Variants in MGAT4C observed in about 807,000 individuals in gnomAD.
MGAT4C encodes the protein alpha-1,3-mannosyl-glycoprotein 4-beta-N-acetylglucosaminyltransferase C.
In MGAT4C, 19 loss-of-function variants were observed where a neutral mutation model predicts 40.1. That is an observed-to-expected ratio of 0.47 (90% CI 0.33 to 0.70). The LOEUF is 0.70. Ranked by LOEUF, MGAT4C falls within the 30% of genes least tolerant of loss-of-function variation. The probability of loss-of-function intolerance (pLI) is 0.02; values close to 1 mark genes in which losing one functional copy is unlikely to be tolerated. For missense variants in MGAT4C, 491 were observed against 563.2 expected (o/e 0.87, Z 1.30); for synonymous variants, 181 against 187.1 (o/e 0.97, Z 0.27).
intron 1 of MGAT4C, among the ~76,000 whole-genome samples, chr12:86,127,655 A>C (rs1178291649): frequency 6.6e-6 from 1 of 152,144 alleles, no homozygotes; most frequent in African/African-American, 2.4e-5. Flanking sequence ...TTTTCTTTAT[A>C]TTCTTATTCT....
intron 1 of MGAT4C, among the ~76,000 whole-genome samples, chr12:86,109,079 A>G (rs1441267202): frequency 2.6e-5 from 4 of 152,180 alleles, no homozygotes; most frequent in Non-Finnish European, 5.9e-5. Context: ...TAAATCTACA[A>G]CATGGGATTT....
intron 1 of MGAT4C, among the ~76,000 whole-genome samples, chr12:86,821,138 G>A (rs1383394637): frequency 6.6e-6 from 1 of 150,884 alleles, no homozygotes; most frequent in Non-Finnish European, 1.5e-5. Flanking sequence ...TAAAGAATGA[G>A]TGTGTATGTA....
intron 1 of MGAT4C, among the ~76,000 whole-genome samples, chr12:86,752,802 C>A (rs2136143025): frequency 6.6e-6 from 1 of 152,116 alleles, no homozygotes; most frequent in South Asian, 2.1e-4. Context: ...CTTCATTGAA[C>A]AAATATACCC....
chr12:86,206,486 T>C (rs961226486), intron 1 of MGAT4C, among the ~76,000 whole-genome samples: 1 of 152,192 alleles, frequency 6.6e-6, no homozygotes, highest in African/African-American at 2.4e-5. Flanking sequence ...CTTTGCAGAA[T>C]GTAAAGTATA....
At chr12:86,157,167 A>T (rs906068993) in intron 1 of MGAT4C, among the ~76,000 whole-genome samples, 1 of 152,130 alleles carries the variant, frequency 6.6e-6, no homozygotes, top group Non-Finnish European at 1.5e-5. Flanking sequence ...AATATTTTTA[A>T]TATATACATT....
intron 3 of MGAT4C, among the ~76,000 whole-genome samples, chr12:86,361,620 A>T (rs1955474494): frequency 6.6e-6 from 1 of 152,228 alleles, no homozygotes; most frequent in African/African-American, 2.4e-5. Flanking sequence ...ATCTACAAAG[A>T]ACTCAAACAA....
At chr12:86,094,343 T>A (rs1592921268) in intron 1 of MGAT4C, among the ~76,000 whole-genome samples, 1 of 152,316 alleles carries the variant, frequency 6.6e-6, no homozygotes, top group Non-Finnish European at 1.5e-5. Context: ...TTTTTAAATA[T>A]TCTCAAATGG....
At chr12:86,588,776 G>A (rs112305207) in intron 2 of MGAT4C, among the ~76,000 whole-genome samples, 7 of 151,784 alleles carry the variant, frequency 4.6e-5, no homozygotes, top group African/African-American at 7.3e-5. Flanking sequence ...CTACATGGAA[G>A]CTGAACAACC....
intron 2 of MGAT4C, among the ~76,000 whole-genome samples, chr12:86,575,894 G>A (rs1371691321): frequency 6.6e-6 from 1 of 151,450 alleles, no homozygotes; most frequent in Non-Finnish European, 1.5e-5. Context: ...TTATTTAATT[G>A]AGGAACCTCT....
At chr12:86,663,031 C>CTA (rs1424792756) in intron 2 of MGAT4C, among the ~76,000 whole-genome samples, 2 of 152,010 alleles carry the variant, frequency 1.3e-5, no homozygotes, top group Non-Finnish European at 2.9e-5. Flanking sequence ...TATTCAGTAG[C>CTA]TAGTTTTGTC....
chr12:86,362,555 A>C (rs1461462255), intron 3 of MGAT4C, among the ~76,000 whole-genome samples: 11 of 152,194 alleles, frequency 7.2e-5, no homozygotes, highest in African/African-American at 2.4e-4. Flanking sequence ...AATAATAAAA[A>C]GATCCAGTCA....
intron 1 of MGAT4C, among the ~76,000 whole-genome samples, chr12:86,169,462 A>T (rs185865923): frequency 6.6e-6 from 1 of 152,308 alleles, no homozygotes; most frequent in African/African-American, 2.4e-5. Flanking sequence ...TAATTGAAGG[A>T]CAGTTATTCA....
At chr12:86,029,148 GC>G (rs1890511029) in intron 2 of MGAT4C, among the ~76,000 whole-genome samples, 1 of 151,800 alleles carries the variant, frequency 6.6e-6, no homozygotes. Context: ...ATCATATTTA[GC>G]TTTTAGTGTG....
intron 2 of MGAT4C, among the ~76,000 whole-genome samples, chr12:85,992,603 T>C (rs1467546728): frequency 6.6e-6 from 1 of 152,234 alleles, no homozygotes; most frequent in Non-Finnish European, 1.5e-5. Context: ...GGCTCAGTCA[T>C]CAAAAGCATA....
At position 85,979,309 on chromosome 12, in the gene MGAT4C, T is replaced by C; in HGVS notation, c.1417A>G (p.Ile473Val). 6.2e-7 allele frequency: 1 copy of C among 1,602,714 alleles called. No homozygotes were observed. The highest frequency in any genetic ancestry group is 8.5e-7 in the Non-Finnish European group (1 of 1,173,070). ...TQKEWLIIRS[I>V]SIWTS Reference sequence around the variant, plus strand: ...ATTGGCTAAGAAGTCCAAATGCTAATACTCCTAATAATTAGCCATTCCTTT... The same window carrying C: ...ATTGGCTAAGAAGTCCAAATGCTAACACTCCTAATAATTAGCCATTCCTTT... Residue 473 changes from isoleucine (I) to valine (V), a missense_variant, in exon 5 of 5, where the codon ATT becomes GTT. Transcript: ENST00000611864.
intron 1 of MGAT4C, among the ~76,000 whole-genome samples, chr12:86,190,889 C>A (rs1485248281): frequency 1.3e-5 from 2 of 151,800 alleles, no homozygotes; most frequent in South Asian, 4.2e-4. Flanking sequence ...AAGCAAAAAC[C>A]GAGGTTTTCC....
intron 2 of MGAT4C, among the ~76,000 whole-genome samples, chr12:86,684,089 G>T (rs772838810): frequency 2.6e-5 from 4 of 151,968 alleles, no homozygotes; most frequent in Non-Finnish European, 5.9e-5. Flanking sequence ...CAAAAATGTT[G>T]TCTGGGCCAG....
chr12:86,347,796 C>A lies in MGAT4C; in HGVS notation c.-119-13669G>T, dbSNP rs1039375631. ...ATGTTTCCTAGCCAACAATTCCTGA[C>A]ACTTTTATTACAAAAGCATTAAAGT... On this transcript the variant is annotated intron_variant, in intron 3 of 7. Transcript: ENST00000548651. 1.1e-4 allele frequency among the ~76,000 whole-genome samples: 17 copies of A among 152,274 alleles called. No individual in the cohort carries two copies. In the East Asian group the frequency reaches 3.1e-3, roughly 28 times the overall value.
chr12:86,803,325 T>G (rs891740423), intron 1 of MGAT4C, among the ~76,000 whole-genome samples: 42 of 151,632 alleles, frequency 2.8e-4, no homozygotes, highest in African/African-American at 1.0e-3. Context: ...GAAGAAAACC[T>G]AGGCATTACC....
Sources: allele counts gnomAD v4.1 joint callset (sites outside exome capture counted in the v4.1 genomes callset), GRCh38; gene constraint gnomAD v4.1.1; transcripts MANE v1.5; gene names NCBI Gene and HGNC (gene_info 2026-07-23, HGNC 2026-07-21).